The following SNX13 variants were observed in gnomAD, a reference collection of about 807,000 sequenced individuals.
SNX13 encodes sorting nexin 13.
A neutral mutation model predicts 133.6 loss-of-function variants in SNX13; 45 were observed. The ratio of observed to expected loss-of-function variants is 0.34; its 90% CI spans 0.27 to 0.43. The LOEUF (loss-of-function observed/expected upper bound fraction) is 0.43. Ranked by LOEUF, SNX13 falls within the 20% of genes least tolerant of loss-of-function variation. SNX13 has a pLI of 1.00. For synonymous variants in SNX13, 414 were observed against 373.9 expected, an observed-to-expected ratio of 1.11 and a Z score of -1.24; for missense variants, 1,032 against 1,145.1, an observed-to-expected ratio of 0.90 and a Z score of 1.43.
At chr7:17,830,215 A>G (rs1228042261) in intron 15 of SNX13, 168 bp from the exon 16 acceptor site, 1 of 978,946 alleles carries the variant, frequency 1.0e-6, no homozygotes. Flanking sequence ...TTGATCCCTT[A>G]AAGTCCCATG....
At chr7:17,869,746 G>A (rs186506840) in intron 8 of SNX13, among the ~76,000 whole-genome samples, 98 of 152,140 alleles carry the variant, frequency 6.4e-4, no homozygotes, top group African/African-American at 2.4e-3. Flanking sequence ...CTTCTTTCAA[G>A]GTTAGTTTTA....
At chr7:17,897,299 A>G in intron 2 of SNX13, 35 bp downstream of exon 2, 2 of 1,198,602 alleles carry the variant, frequency 1.7e-6, no homozygotes, top group Non-Finnish European at 2.3e-6. Flanking sequence ...AAGATATGAC[A>G]CATGAATTAT....
rs1161244400 is a variant in SNX13 at position 17,823,823 on chromosome 7, T to TA, written c.1706-2176dup. 2.0e-5 allele frequency among the ~76,000 whole-genome samples: 3 copies of TA among 151,980 alleles called. No homozygotes were observed. In the East Asian group the frequency reaches 5.8e-4, roughly 29 times the overall value. ...CCAAGATAGGTTTGGGAAAGGAAAATAGAAAGCAGAGGCCAATTAGGCAGC... is the reference window on the plus strand; with the variant it reads ...CCAAGATAGGTTTGGGAAAGGAAAATAAGAAAGCAGAGGCCAATTAGGCAGC... On this transcript the variant is annotated intron_variant, in intron 17 of 25. Coordinates refer to ENST00000428135, the MANE Select transcript of SNX13 (RefSeq NM_015132.5).
intron 5 of SNX13, among the ~76,000 whole-genome samples, chr7:17,877,432 G>T (rs1794852856): frequency 6.6e-6 from 1 of 151,810 alleles, no homozygotes; most frequent in Non-Finnish European, 1.5e-5. Flanking sequence ...ATCTTTACAT[G>T]AATATTTATT....
chr7:17,894,301 A>G (rs1796968255), intron 2 of SNX13, among the ~76,000 whole-genome samples: 1 of 152,180 alleles, frequency 6.6e-6, no homozygotes, highest in Non-Finnish European at 1.5e-5. Context: ...GCCTCAAAAA[A>G]AAAAAGAAAA....
At position 17,834,796 on chromosome 7, in the gene SNX13, G is replaced by C; in HGVS notation, c.1429C>G (p.Pro477Ala). Residue 477 changes from proline to alanine, a missense_variant, in exon 14 of 26, where the codon CCA (proline) becomes GCA (alanine). Physicochemically the swap from Pro to Ala is conservative, Grantham distance 27. Transcript: ENST00000428135. ...KLADTLNHEDPTPEIFDDIQR... is the reference protein window; with the variant it reads ...KLADTLNHEDATPEIFDDIQR... ...ATGTCATCAAAGATTTCAGGGGTTG[G>C]ATCTTCATGATTCAAAGTATCTGCT... 6.2e-7 allele frequency: 1 copy of C among 1,609,328 alleles called. No individual in the cohort carries two copies. The highest frequency in any genetic ancestry group is 8.5e-7 in the Non-Finnish European group (1 of 1,176,836).
intron 9 of SNX13, among the ~76,000 whole-genome samples, chr7:17,855,933 G>C (rs1242864254): frequency 6.6e-6 from 1 of 152,194 alleles, no homozygotes; most frequent in Non-Finnish European, 1.5e-5. Flanking sequence ...TAACCTTCTA[G>C]AAATGACTCA....
chr7:17,891,265 G>C (rs1796598578), intron 4 of SNX13, among the ~76,000 whole-genome samples: 1 of 151,934 alleles, frequency 6.6e-6, no homozygotes, highest in Non-Finnish European at 1.5e-5. Flanking sequence ...ATCAACGAAA[G>C]AGTAACACTT....
chr7:17,901,488 T>C (rs945324330), intron 1 of SNX13, among the ~76,000 whole-genome samples: 4 of 152,112 alleles, frequency 2.6e-5, no homozygotes, highest in African/African-American at 7.2e-5. Flanking sequence ...TTCCAACCAC[T>C]GGGATGGGCA....
intron 1 of SNX13, among the ~76,000 whole-genome samples, chr7:17,936,817 T>C (rs934535821): frequency 6.6e-6 from 1 of 150,386 alleles, no homozygotes; most frequent in African/African-American, 2.4e-5. Context: ...AAGTTTACTG[T>C]TAGGGGAAAA....
Position 17,801,009 on chromosome 7 carries a change from CAT to C in SNX13, c.2298+577_2298+578del, listed in dbSNP as rs71010273. On this transcript the variant is annotated intron_variant, in intron 22 of 25. Transcript: ENST00000428135. The stretch of plus-strand genomic sequence containing the variant: ...CTTGGCAGTATCTACTAAAACTGAA[CAT>C]ATATATATATATATATATATATATA... Among the ~76,000 whole-genome samples the C allele has an allele frequency of 1.2e-3, 144 of 119,646 alleles. 1 individual carries two copies. The highest frequency in any genetic ancestry group is 4.1e-3 in the Middle Eastern group (1 of 244). 78.5% of individuals were successfully genotyped at this position (119,646 alleles called of 152,430 possible). A position where few individuals can be genotyped will look rare whatever the true frequency, so the allele number is the denominator to read the frequency against.
chr7:17,808,282 C>T (rs1463217826), intron 20 of SNX13, among the ~76,000 whole-genome samples: 1 of 152,106 alleles, frequency 6.6e-6, no homozygotes, highest in Non-Finnish European at 1.5e-5. Flanking sequence ...AGCTGAAAAA[C>T]ACAGCATGAG....
chr7:17,851,280 G>C (rs1791176998), intron 9 of SNX13, among the ~76,000 whole-genome samples: 1 of 152,160 alleles, frequency 6.6e-6, no homozygotes, highest in African/African-American at 2.4e-5. Flanking sequence ...CAGCAATGGA[G>C]GGCAAATCTT....
chr7:17,903,182 T>A (rs1288218846), intron 1 of SNX13, among the ~76,000 whole-genome samples: 2 of 152,212 alleles, frequency 1.3e-5, no homozygotes, highest in Non-Finnish European at 2.9e-5. Context: ...GATCATCTAC[T>A]GCAATACTTC....
intron 1 of SNX13, chr7:17,898,935 C>T (rs1797516965): frequency 6.6e-6 from 1 of 152,200 alleles, no homozygotes; most frequent in Non-Finnish European, 1.5e-5. Flanking sequence ...AGAATGCCTG[C>T]TAACGAAGTT....
At chr7:17,797,896 A>G (rs1398928838) in intron 24 of SNX13, among the ~76,000 whole-genome samples, 2 of 151,864 alleles carry the variant, frequency 1.3e-5, no homozygotes, top group African/African-American at 4.8e-5. Flanking sequence ...AGCCTATTCA[A>G]CTTCTCTAAT....
At chr7:17,817,866 T>C (rs1454535487) in intron 18 of SNX13, among the ~76,000 whole-genome samples, 2 of 152,188 alleles carry the variant, frequency 1.3e-5, no homozygotes, top group African/African-American at 4.8e-5. Context: ...TTTCCTGGTA[T>C]TACCAAGTCT....
intron 15 of SNX13, chr7:17,832,528 A>G: frequency 1.0e-6 from 1 of 968,310 alleles, no homozygotes; most frequent in Non-Finnish European, 1.2e-6. Context: ...ATTAGTATAA[A>G]CAACAAAAAC....
chr7:17,913,760 C>CAAAAAAAA (rs71010278), intron 1 of SNX13, among the ~76,000 whole-genome samples: 27 of 54,064 alleles, frequency 5.0e-4, no homozygotes, highest in Non-Finnish European at 6.5e-4. Flanking sequence ...TTAACAAAAA[C>CAAAAAAAA]AAAAAAAAAA....
Sources: allele counts gnomAD v4.1 joint callset (sites outside exome capture counted in the v4.1 genomes callset), GRCh38; gene constraint gnomAD v4.1.1; transcripts MANE v1.5; gene names NCBI Gene and HGNC (gene_info 2026-07-23, HGNC 2026-07-21).